AJAP1: variants seen among roughly 807,000 people sequenced by gnomAD.
AJAP1 encodes adherens junction-associated protein 1.
AJAP1 carries 5 observed loss-of-function variants against 35.0 expected under a neutral mutation model. The observed-to-expected ratio is 0.14, with a 90% CI of 0.07 to 0.30. The LOEUF (loss-of-function observed/expected upper bound fraction) is 0.30, where lower values mean the gene tolerates loss of function less well. Ranked by LOEUF, AJAP1 falls within the 10% of genes least tolerant of loss-of-function variation. The pLI, the probability that AJAP1 is intolerant of heterozygous loss-of-function variation, is 1.00. For synonymous variants in AJAP1, 284 were observed against 249.3 expected (o/e 1.14, Z -1.31); for missense variants, 586 against 571.0 (o/e 1.03, Z -0.27).
Position 4,786,366 on chromosome 1 carries a change from G to A in AJAP1, c.*3881G>A, listed in dbSNP as rs539233343. On this transcript the variant is annotated 3_prime_UTR_variant, in exon 6 of 6. Transcript: ENST00000378191. Reference sequence around the variant, plus strand: ...ACTCCAGTCCTTCCTGGAGCATTGTGAAATTAGAAACCTGAACTCATCAGC... The same window carrying A: ...ACTCCAGTCCTTCCTGGAGCATTGTAAAATTAGAAACCTGAACTCATCAGC... The A allele has an allele frequency of 2.1e-3, 316 of 152,288 alleles. No individual in the cohort carries two copies. The highest frequency in any genetic ancestry group is 7.3e-3 in the African/African-American group (304 of 41,548). 9.4% of individuals were successfully genotyped at this position (152,288 alleles called of 1,614,324 possible). A position where few individuals can be genotyped will look rare whatever the true frequency, so the allele number is the denominator to read the frequency against.
In AJAP1 at chr1:4,782,824, C is replaced by T. The variant is rs976730203; in HGVS notation, c.*339C>T. The T allele has an allele frequency of 5.0e-5, 20 of 398,452 alleles. No homozygotes were observed. The highest frequency in any genetic ancestry group is 2.1e-4 in the African/African-American group (10 of 48,596). 24.7% of individuals were successfully genotyped at this position (398,452 alleles called of 1,614,324 possible). A position where few individuals can be genotyped will look rare whatever the true frequency, so the allele number is the denominator to read the frequency against. On this transcript the variant is annotated 3_prime_UTR_variant, in exon 6 of 6. Transcript: ENST00000378191. The surrounding 1 kb of genome is among the most constrained non-coding windows in gnomAD (Gnocchi z 5.3). ...AGACGAGGATACCCAGCGAAAGGGACGGGAGGAAGCATCCGAAACCTAGGA... is the reference window on the plus strand; with the variant it reads ...AGACGAGGATACCCAGCGAAAGGGATGGGAGGAAGCATCCGAAACCTAGGA...
intron 2 of AJAP1, among the ~76,000 whole-genome samples, chr1:4,719,523 AG>A (rs1640471417): frequency 6.6e-6 from 1 of 152,060 alleles, no homozygotes; most frequent in Non-Finnish European, 1.5e-5. Context: ...TGGGGTGGAT[AG>A]GGGAGGCATA....
Position 4,787,849 on chromosome 1 carries a change from C to G in AJAP1, c.*5364C>G, listed in dbSNP as rs1400782410. On this transcript the variant is annotated 3_prime_UTR_variant, in exon 6 of 6. Transcript: ENST00000378191. ...CAGAAGGCAGCTGCATCTCCAGAAG[C>G]TCCCCCAGCACTGAGCTCACTTAGT... is the stretch of plus-strand genomic sequence containing the variant. 4.5e-6 allele frequency: 2 copies of G among 447,210 alleles called. No individual in the cohort carries two copies. Among genetic ancestry groups the G allele is most frequent in the Admixed American group, 4.7e-5 (2 of 42,150 alleles). 27.7% of individuals were successfully genotyped at this position (447,210 alleles called of 1,614,324 possible).
At chr1:4,763,889 C>T (rs144094903) in intron 2 of AJAP1, among the ~76,000 whole-genome samples, 2,275 of 142,658 alleles carry the variant, frequency 0.016, 55 homozygotes, top group South Asian at 0.12. Flanking sequence ...CCCCCACTTT[C>T]TCCCTCTCCG....
chr1:4,694,657 A>T (rs1302669627), intron 1 of AJAP1, among the ~76,000 whole-genome samples: 1 of 152,244 alleles, frequency 6.6e-6, no homozygotes, highest in African/African-American at 2.4e-5. Context: ...CTTGGTGGGC[A>T]GGTGGAGGTA....
chr1:4,739,465 T>G (rs1318627993), intron 2 of AJAP1, among the ~76,000 whole-genome samples: 1 of 152,224 alleles, frequency 6.6e-6, no homozygotes, highest in Non-Finnish European at 1.5e-5. Flanking sequence ...CAGGTCTCCT[T>G]GCCACCTTCT....
At chr1:4,744,685 C>T (rs910942271) in intron 2 of AJAP1, among the ~76,000 whole-genome samples, 1 of 152,088 alleles carries the variant, frequency 6.6e-6, no homozygotes, top group Non-Finnish European at 1.5e-5. Context: ...CCTCATGTCT[C>T]ACCATGTGCA....
In AJAP1 at chr1:4,655,467, G is replaced by A; in HGVS notation, c.29+13G>A. On this transcript the variant is annotated intron_variant, in intron 1 of 5. Coordinates refer to ENST00000378191, the MANE Select transcript of AJAP1 (RefSeq NM_018836.4). This position sits in a 1 kb window ranked among gnomAD's most constrained non-coding sequence, Gnocchi z 6.9. ...TTTTAGGACTCAGGTGAGCGACCCG[G>A]CCGGCGCCGGGTGCGTGTGGGCGCG... 6.4e-7 allele frequency: 1 copy of A among 1,565,436 alleles called. No individual in the cohort carries two copies. Among genetic ancestry groups the A allele is most frequent in the Non-Finnish European group, 8.7e-7 (1 of 1,155,414 alleles).
At chr1:4,778,741 G>A (rs898618011) in intron 5 of AJAP1, among the ~76,000 whole-genome samples, 2 of 152,158 alleles carry the variant, frequency 1.3e-5, no homozygotes, top group Admixed American at 6.5e-5. Context: ...GGCATAGGCT[G>A]CCACCCACTC....
In AJAP1 at chr1:4,782,959, A is replaced by G. The variant is rs1642094202; in HGVS notation, c.*474A>G. 5.0e-6 allele frequency: 2 copies of G among 397,562 alleles called. No homozygotes were observed. Among genetic ancestry groups the G allele is most frequent in the Non-Finnish European group, 8.9e-6 (2 of 225,768 alleles). 24.6% of individuals were successfully genotyped at this position (397,562 alleles called of 1,614,324 possible). A position where few individuals can be genotyped will look rare whatever the true frequency, so the allele number is the denominator to read the frequency against. On this transcript the variant is annotated 3_prime_UTR_variant, in exon 6 of 6. Coordinates refer to ENST00000378191, the MANE Select transcript of AJAP1 (RefSeq NM_018836.4). This position sits in a 1 kb window ranked among gnomAD's most constrained non-coding sequence, Gnocchi z 5.3. ...CCAGCGAATCACGCAGAGAAATCTT[A>G]CAGAAAACAGGGGTGGGAATCTCTT...
At position 4,758,829 on chromosome 1, in the gene AJAP1, C is replaced by A. The variant is rs535208546; in HGVS notation, c.830-11024C>A. ...CCAGGACAGCCGGCGTGCAGAGGAGCTGAAGGCAGCTTCTCAGGGCTGAGT... is the reference window on the plus strand; with the variant it reads ...CCAGGACAGCCGGCGTGCAGAGGAGATGAAGGCAGCTTCTCAGGGCTGAGT... On this transcript the variant is annotated intron_variant, in intron 2 of 5. Coordinates refer to ENST00000378191, the MANE Select transcript of AJAP1 (RefSeq NM_018836.4). Among the ~76,000 whole-genome samples, 3 of 152,314 alleles carry A rather than the reference C, an allele frequency of 2.0e-5. No homozygotes were observed. In the East Asian group the frequency reaches 5.8e-4, roughly 29 times the overall value.
intron 2 of AJAP1, among the ~76,000 whole-genome samples, chr1:4,724,240 AG>A (rs1640596802): frequency 6.6e-6 from 1 of 152,096 alleles, no homozygotes; most frequent in African/African-American, 2.4e-5. Context: ...GGCCGGGATG[AG>A]GAAGGCTCAA....
intron 1 of AJAP1, among the ~76,000 whole-genome samples, chr1:4,665,761 C>T (rs1639101865): frequency 6.6e-6 from 1 of 152,196 alleles, no homozygotes; most frequent in African/African-American, 2.4e-5. Context: ...GATGAGTGGC[C>T]ACCGCGTGCT....
rs1427377307 is a variant in AJAP1, at chr1:4,783,823, T to TA, written c.*1339dup. On this transcript the variant is annotated 3_prime_UTR_variant, in exon 6 of 6. Coordinates refer to ENST00000378191, the MANE Select transcript of AJAP1 (RefSeq NM_018836.4). The stretch of plus-strand genomic sequence containing the variant: ...GTGTGTGTAATATCAGGGCAGAACT[T>TA]AGACATACGTGAAGGGCCCCGGTTG... 1 of 151,982 alleles carries TA rather than the reference T, an allele frequency of 6.6e-6. No individual in the cohort carries two copies. The highest frequency in any genetic ancestry group is 1.9e-4 in the East Asian group (1 of 5,150). 9.4% of individuals were successfully genotyped at this position (151,982 alleles called of 1,614,324 possible).
At chr1:4,751,070 A>C (rs943963385) in intron 2 of AJAP1, among the ~76,000 whole-genome samples, 1 of 151,860 alleles carries the variant, frequency 6.6e-6, no homozygotes, top group South Asian at 2.1e-4. Flanking sequence ...CATGGCCCCA[A>C]GGCAGCCTCC....
intron 5 of AJAP1, among the ~76,000 whole-genome samples, chr1:4,781,072 T>C (rs1354358828): frequency 1.3e-5 from 2 of 152,144 alleles, no homozygotes; most frequent in East Asian, 1.9e-4. Flanking sequence ...TCTGGCACAC[T>C]GAGTCTCCTG....
intron 4 of AJAP1, among the ~76,000 whole-genome samples, chr1:4,773,841 T>G (rs562437797): frequency 6.6e-6 from 1 of 152,204 alleles, no homozygotes; most frequent in East Asian, 1.9e-4. Context: ...GCTTGTGTTA[T>G]GCAGGGAGGT....
chr1:4,665,767 G>A (rs1639102084), intron 1 of AJAP1, among the ~76,000 whole-genome samples: 1 of 152,224 alleles, frequency 6.6e-6, no homozygotes, highest in Non-Finnish European at 1.5e-5. Context: ...TGGCCACCGC[G>A]TGCTGGGTGC....
At chr1:4,699,969 C>A (rs942490925) in intron 1 of AJAP1, among the ~76,000 whole-genome samples, 1 of 152,174 alleles carries the variant, frequency 6.6e-6, no homozygotes, top group Non-Finnish European at 1.5e-5. Context: ...TTTCTCTCTG[C>A]GTGCCGTCCT....
Sources: allele counts gnomAD v4.1 joint callset (sites outside exome capture counted in the v4.1 genomes callset), GRCh38; gene constraint gnomAD v4.1.1; non-coding constraint Gnocchi (gnomAD v3.1); transcripts MANE v1.5; gene names NCBI Gene and HGNC (gene_info 2026-07-23, HGNC 2026-07-21).